Variants in ARHGEF28 observed in about 807,000 individuals in gnomAD.
The protein encoded by ARHGEF28 is Rho guanine nucleotide exchange factor 28, also known as 190 kDa guanine nucleotide exchange factor.
A neutral mutation model predicts 206.6 loss-of-function variants in ARHGEF28; 152 were observed. The ratio of observed to expected loss-of-function variants is 0.74; its 90% confidence interval spans 0.64 to 0.84. The LOEUF is 0.84. ARHGEF28 is among the 40% of genes least tolerant of loss of function. ARHGEF28 has a pLI of 0.00. For missense variants in ARHGEF28, 2,028 were observed against 2,073.2 expected, an observed-to-expected ratio of 0.98 and a Z score of 0.42; for synonymous variants, 763 against 776.4, an observed-to-expected ratio of 0.98 and a Z score of 0.29.
intron 2 of ARHGEF28, among the ~76,000 whole-genome samples, chr5:73,700,949 A>G (rs961453553): frequency 6.6e-6 from 1 of 152,226 alleles, no homozygotes; most frequent in African/African-American, 2.4e-5. Flanking sequence ...TAACTTTTTC[A>G]GTGGGAAGTC....
At chr5:73,863,821 C>T (rs907780043) in intron 16 of ARHGEF28, among the ~76,000 whole-genome samples, 2 of 151,960 alleles carry the variant, frequency 1.3e-5, no homozygotes, top group African/African-American at 4.8e-5. Flanking sequence ...GAATCTGATG[C>T]TTATCAGCCG....
intron 7 of ARHGEF28, among the ~76,000 whole-genome samples, chr5:73,781,227 G>A (rs1422220025): frequency 6.6e-6 from 1 of 152,148 alleles, no homozygotes; most frequent in Non-Finnish European, 1.5e-5. Context: ...GCTGCTGGAT[G>A]TTCATCAAGA....
intron 2 of ARHGEF28, among the ~76,000 whole-genome samples, chr5:73,709,759 G>A (rs1749136880): frequency 6.6e-6 from 1 of 152,182 alleles, no homozygotes; most frequent in Non-Finnish European, 1.5e-5. Context: ...TTCATGAGCT[G>A]TTTGCTCATA....
chr5:73,917,378 G>C (rs1235749191), intron 35 of ARHGEF28, among the ~76,000 whole-genome samples: 1 of 152,120 alleles, frequency 6.6e-6, no homozygotes, highest in Non-Finnish European at 1.5e-5. Context: ...TAAAGTACTG[G>C]GCTCAAGGGC....
chr5:73,705,325 C>G (rs58681210), intron 2 of ARHGEF28, among the ~76,000 whole-genome samples: 2,656 of 152,322 alleles, frequency 0.017, 75 homozygotes, highest in African/African-American at 0.06. Context: ...TACACTCTTC[C>G]TCCTCTGTTC....
Position 73,873,224 on chromosome 5 carries a change from T to C in ARHGEF28, c.2792T>C (p.Ile931Thr). The C allele has an allele frequency of 6.2e-7, 1 of 1,610,892 alleles. No individual in the cohort carries two copies. Among genetic ancestry groups the C allele is most frequent in the South Asian group, 1.1e-5 (1 of 90,192 alleles). Residue 931 changes from isoleucine (I) to threonine (T), a missense_variant, in exon 22 of 36, where the codon ATT becomes ACT. Transcript: ENST00000513042. ...GSDRNFVIDR[I>T]GDILVQQFSE... is the part of the protein sequence containing the mutation. ...GACAGGAATTTTGTGATCGACCGAA[T>C]TGGAGATATTTTGGTACAACAGGTA...
intron 1 of ARHGEF28, among the ~76,000 whole-genome samples, chr5:73,639,827 C>G (rs1473723169): frequency 1.3e-5 from 2 of 152,126 alleles, no homozygotes. Flanking sequence ...TCCTGCTATT[C>G]AGATTAGTGG....
chr5:73,632,232 G>C (rs1194819131), intron 1 of ARHGEF28, among the ~76,000 whole-genome samples: 1 of 152,180 alleles, frequency 6.6e-6, no homozygotes, highest in Admixed American at 6.5e-5. Flanking sequence ...GGCAAAGTTT[G>C]CTCAGGAATT....
chr5:73,774,017 A>C lies in ARHGEF28; in HGVS notation c.638A>C (p.Lys213Thr). 1 of 1,597,578 alleles carries C rather than the reference A, an allele frequency of 6.3e-7. No individual in the cohort carries two copies. The highest frequency in any genetic ancestry group is 8.5e-7 in the Non-Finnish European group (1 of 1,171,960). Reference protein sequence around the residue: ...LDLALREGHSKLVEDVTNFQG... With the variant: ...LDLALREGHSTLVEDVTNFQG... ...TTAGCTTTACGTGAAGGACACTCCAAGCTGGTGGAAGACGTCACAAAGTGA... is the reference window on the plus strand; with the variant it reads ...TTAGCTTTACGTGAAGGACACTCCACGCTGGTGGAAGACGTCACAAAGTGA... Residue 213 changes from lysine to threonine, a missense_variant, in exon 5 of 36, where the codon AAG (lysine) becomes ACG (threonine). Physicochemically the swap from Lys to Thr is moderately conservative, Grantham distance 78. Around this residue, in one of 3 missense-constraint regions of ARHGEF28, gnomAD observed 1,002 missense variants for 1,015.3 expected, o/e 0.99. Transcript: ENST00000513042.
rs569346099 is a variant in ARHGEF28, at chr5:73,632,000, A to T, written c.-12+5678A>T. On this transcript the variant is annotated intron_variant, in intron 1 of 35. Transcript: ENST00000513042. ...GTTCCTGTATATAAGTCTCAACTTT[A>T]CATCGTGACTGTAGCCCATTAATGA... 1.1e-4 allele frequency among the ~76,000 whole-genome samples: 16 copies of T among 152,316 alleles called. No individual in the cohort carries two copies. The East Asian group carries it at 2.9e-3, about 28-fold the overall frequency.
rs773742896 is a variant in ARHGEF28 at position 73,753,054 on chromosome 5, C to T, written c.327C>T (p.Arg109=). ...GTCTGCTGGTGACGCAGGCCAATCG[C>T]CTCACAGCCTGCAGCCACCAGACCC... is the stretch of plus-strand genomic sequence containing the variant. ...LARLLVTQAN[R]LTACSHQTLL... Residue 109 remains arginine, a synonymous_variant, in exon 4 of 36, where the codon CGC becomes CGT. Transcript: ENST00000513042. The T allele has an allele frequency of 1.9e-6, 3 of 1,610,550 alleles. No homozygotes were observed. The highest frequency in any genetic ancestry group is 2.5e-6 in the Non-Finnish European group (3 of 1,178,450).
rs567933671 is a variant in ARHGEF28 at position 73,641,764 on chromosome 5, C to T, written c.-12+15442C>T. On this transcript the variant is annotated intron_variant, in intron 1 of 35. Transcript: ENST00000513042. ...CAGTCCCTGCAGCATTTGAGGGCTGCGTTATAGGGAGTATCTGGTGACATT... is the reference window on the plus strand; with the variant it reads ...CAGTCCCTGCAGCATTTGAGGGCTGTGTTATAGGGAGTATCTGGTGACATT... Among the ~76,000 whole-genome samples, 4 of 152,112 alleles carry T rather than the reference C, an allele frequency of 2.6e-5. No homozygotes were observed. In the East Asian group the frequency reaches 5.8e-4, roughly 22 times the overall value.
intron 22 of ARHGEF28, among the ~76,000 whole-genome samples, chr5:73,881,926 T>G (rs1386674583): frequency 5.3e-5 from 8 of 152,228 alleles, no homozygotes; most frequent in Admixed American, 5.2e-4. Flanking sequence ...TGGCTAATGA[T>G]AGCCTGCCCT....
intron 35 of ARHGEF28, among the ~76,000 whole-genome samples, chr5:73,911,910 C>T (rs1376756383): frequency 3.3e-5 from 5 of 152,130 alleles, no homozygotes; most frequent in African/African-American, 4.8e-5. Flanking sequence ...TTGTGGACCC[C>T]ACTACATCCT....
intron 2 of ARHGEF28, among the ~76,000 whole-genome samples, chr5:73,745,315 A>C (rs1220380973): frequency 6.6e-6 from 1 of 152,052 alleles, no homozygotes; most frequent in African/African-American, 2.4e-5. Context: ...AGAGACATAG[A>C]TTAATGAAAA....
intron 2 of ARHGEF28, among the ~76,000 whole-genome samples, chr5:73,690,918 A>G (rs892345107): frequency 6.6e-6 from 1 of 152,136 alleles, no homozygotes; most frequent in African/African-American, 2.4e-5. Flanking sequence ...AAAGAAAGTG[A>G]AGATCAGTTG....
chr5:73,802,810 G>C (rs1183263870), intron 9 of ARHGEF28, among the ~76,000 whole-genome samples: 1 of 149,586 alleles, frequency 6.7e-6, no homozygotes, highest in East Asian at 2.0e-4. Flanking sequence ...CATGTATATA[G>C]GCATTTACAA....
At position 73,868,026 on chromosome 5, in the gene ARHGEF28, G is replaced by T; in HGVS notation, c.2297+6G>T. ...CCAGGCACCACCTTGGAAAGGTAAGGCTGAGTGTGTTTTTACATATTAATG... is the reference window on the plus strand; with the variant it reads ...CCAGGCACCACCTTGGAAAGGTAAGTCTGAGTGTGTTTTTACATATTAATG... On this transcript the variant is annotated splice_donor_region_variant and intron_variant, in intron 19 of 35. Coordinates refer to ENST00000513042, the MANE Select transcript of ARHGEF28 (RefSeq NM_001177693.2). The T allele has an allele frequency of 6.2e-7, 1 of 1,613,814 alleles. No individual in the cohort carries two copies. Among genetic ancestry groups the T allele is most frequent in the Non-Finnish European group, 8.5e-7 (1 of 1,179,810 alleles).
chr5:73,708,701 T>A (rs976735786), intron 2 of ARHGEF28, among the ~76,000 whole-genome samples: 1 of 152,176 alleles, frequency 6.6e-6, no homozygotes, highest in Non-Finnish European at 1.5e-5. Flanking sequence ...GGTAGACCAA[T>A]TAATTTCCCT....
Sources: gnomAD v4.1 joint callset for allele counts (sites outside exome capture counted in the v4.1 genomes callset) on GRCh38, gnomAD v4.1.1 for gene constraint, gnomAD v4.1.1 regional missense constraint, MANE v1.5 for transcripts, NCBI Gene and HGNC (gene_info 2026-07-23, HGNC 2026-07-21) for gene names.